Variants in DACH1 observed in about 807,000 individuals in gnomAD.
The protein encoded by DACH1 is dachshund family transcription factor 1.
DACH1 carries 12 observed loss-of-function variants against 54.2 expected under a neutral mutation model. The ratio of observed to expected loss-of-function variants is 0.22; its 90% CI spans 0.14 to 0.36. DACH1 has a LOEUF of 0.36. DACH1 is among the 10% of genes least tolerant of loss of function. The probability of loss-of-function intolerance (pLI) is 1.00; values close to 1 mark genes in which losing one functional copy is unlikely to be tolerated. For synonymous variants in DACH1, 386 were observed against 366.2 expected (o/e 1.05, Z -0.62); for missense variants, 805 against 929.8 (o/e 0.87, Z 1.75).
chr13:71,594,673 G>C (rs1199619636), intron 3 of DACH1, among the ~76,000 whole-genome samples: 2 of 151,902 alleles, frequency 1.3e-5, no homozygotes, highest in Non-Finnish European at 2.9e-5. Flanking sequence ...AGATTTTTGA[G>C]GACTTTTTTT....
At chr13:71,735,692 A>G (rs1884082546) in intron 1 of DACH1, among the ~76,000 whole-genome samples, 1 of 151,696 alleles carries the variant, frequency 6.6e-6, no homozygotes, top group African/African-American at 2.4e-5. Context: ...TGACAAACGC[A>G]TTGCTTAGAT....
rs34031888 is a variant in DACH1, at chr13:71,817,814, C to CTTTTT, written c.848+48103_848+48107dup. Among the ~76,000 whole-genome samples, 969 of 119,030 alleles carry CTTTTT rather than the reference C, an allele frequency of 8.1e-3. 24 individuals carry two copies. Among genetic ancestry groups the CTTTTT allele is most frequent in the African/African-American group, 0.029 (892 of 30,912 alleles). The allele number at this position is 119,030 out of a possible 152,430, so 78.1% of individuals were successfully genotyped here. A position where few individuals can be genotyped will look rare whatever the true frequency, so the allele number is the denominator to read the frequency against. ...ATTTTCTTTCTTTCTTTCTTTCTTC[C>CTTTTT]TTTTTTTTTTTTTTTTTTGAGACAG... is the stretch of plus-strand genomic sequence containing the variant. On this transcript the variant is annotated intron_variant, in intron 1 of 10. Coordinates refer to ENST00000613252, the MANE Select transcript of DACH1 (RefSeq NM_080759.6).
At chr13:71,532,535 T>A (rs1593847014) in intron 6 of DACH1, among the ~76,000 whole-genome samples, 1 of 151,940 alleles carries the variant, frequency 6.6e-6, no homozygotes, top group East Asian at 1.9e-4. Flanking sequence ...TATACCTTAA[T>A]TATGTTAATT....
chr13:71,641,938 T>C (rs1015505896), intron 2 of DACH1, among the ~76,000 whole-genome samples: 8 of 152,174 alleles, frequency 5.3e-5, no homozygotes, highest in African/African-American at 1.9e-4. Context: ...TCAGGAAGAA[T>C]TACCAATGTG....
chr13:71,621,169 C>T (rs1406116472), intron 3 of DACH1, among the ~76,000 whole-genome samples: 1 of 151,860 alleles, frequency 6.6e-6, no homozygotes, highest in Non-Finnish European at 1.5e-5. Flanking sequence ...TTACTCCCAG[C>T]CTACAAATGA....
intron 1 of DACH1, among the ~76,000 whole-genome samples, chr13:71,776,324 G>GT (rs1387460450): frequency 2.0e-5 from 3 of 152,076 alleles, no homozygotes; most frequent in Admixed American, 2.0e-4. Context: ...TGATTTTCAG[G>GT]TTTTTAGAAA....
intron 10 of DACH1, among the ~76,000 whole-genome samples, chr13:71,454,802 C>T (rs144568710): frequency 1.3e-5 from 2 of 152,280 alleles, no homozygotes; most frequent in African/African-American, 4.8e-5. Flanking sequence ...AAGCAGAAGG[C>T]CCAGCTAAGC....
chr13:71,675,221 G>A (rs1437543696), intron 2 of DACH1: 1 of 1,572,750 alleles, frequency 6.4e-7, no homozygotes, highest in Non-Finnish European at 8.7e-7. Context: ...CGTGAAGTTA[G>A]ACGTTATCAG....
chr13:71,468,470 C>T (rs1057467811), intron 10 of DACH1, among the ~76,000 whole-genome samples: 3 of 152,118 alleles, frequency 2.0e-5, no homozygotes, highest in Non-Finnish European at 2.9e-5. Flanking sequence ...TAAGGAACCC[C>T]CATTCCCACA....
chr13:71,670,855 A>G (rs1880166600), intron 2 of DACH1, among the ~76,000 whole-genome samples: 1 of 152,048 alleles, frequency 6.6e-6, no homozygotes, highest in African/African-American at 2.4e-5. Flanking sequence ...TGTAATAAAA[A>G]GATTATTTTT....
At chr13:71,501,475 A>T (rs776755493) in intron 6 of DACH1, among the ~76,000 whole-genome samples, 27 of 152,204 alleles carry the variant, frequency 1.8e-4, no homozygotes, top group Non-Finnish European at 3.4e-4. Flanking sequence ...AAAGAAAAAC[A>T]TTAAAAATAT....
At chr13:71,794,558 C>T (rs1332366706) in intron 1 of DACH1, among the ~76,000 whole-genome samples, 2 of 152,164 alleles carry the variant, frequency 1.3e-5, no homozygotes, top group African/African-American at 4.8e-5. Flanking sequence ...CTTGCCTCAT[C>T]TCTCATACAG....
chr13:71,525,089 T>A (rs772679111), intron 6 of DACH1, among the ~76,000 whole-genome samples: 4 of 152,150 alleles, frequency 2.6e-5, no homozygotes, highest in Non-Finnish European at 5.9e-5. Context: ...TCACTTTGGC[T>A]CTCCTTTGAA....
intron 10 of DACH1, among the ~76,000 whole-genome samples, chr13:71,471,498 C>T (rs1021844462): frequency 1.1e-4 from 16 of 152,092 alleles, no homozygotes; most frequent in African/African-American, 1.2e-4. Context: ...CGGTGGCTCA[C>T]GCTTGTAATC....
intron 1 of DACH1, among the ~76,000 whole-genome samples, chr13:71,683,673 T>C (rs1319327514): frequency 6.6e-6 from 1 of 152,126 alleles, no homozygotes; most frequent in East Asian, 1.9e-4. Context: ...CCTCTTATTA[T>C]TACTTTCTCA....
chr13:71,482,482 CAAT>C (rs1390760987), intron 7 of DACH1, among the ~76,000 whole-genome samples: 1 of 152,064 alleles, frequency 6.6e-6, no homozygotes, highest in Non-Finnish European at 1.5e-5. Flanking sequence ...AATTTGTTCT[CAAT>C]AATGTGTTGC....
At chr13:71,467,678 A>T (rs2138154238) in intron 10 of DACH1, among the ~76,000 whole-genome samples, 1 of 152,278 alleles carries the variant, frequency 6.6e-6, no homozygotes, top group Non-Finnish European at 1.5e-5. Flanking sequence ...ATAGAACAAT[A>T]GTCCGTTTAT....
At chr13:71,748,494 G>T (rs936005682) in intron 1 of DACH1, among the ~76,000 whole-genome samples, 1 of 152,102 alleles carries the variant, frequency 6.6e-6, no homozygotes, top group Admixed American at 6.6e-5. Flanking sequence ...TGCTTGCTTC[G>T]CTAGAATGAT....
intron 6 of DACH1, among the ~76,000 whole-genome samples, chr13:71,527,727 T>C (rs747079403): frequency 6.6e-6 from 1 of 152,198 alleles, no homozygotes; most frequent in Non-Finnish European, 1.5e-5. Context: ...TAAATTAACA[T>C]ATCTCAGCAG....
Sources: allele counts gnomAD v4.1 joint callset (sites outside exome capture counted in the v4.1 genomes callset), GRCh38; gene constraint gnomAD v4.1.1; transcripts MANE v1.5; gene names NCBI Gene and HGNC (gene_info 2026-07-23, HGNC 2026-07-21).